The following WDR25 variants were observed in gnomAD, a reference collection of about 807,000 sequenced individuals.
WDR25 encodes WD repeat-containing protein 25.
WDR25 carries 35 observed loss-of-function variants against 47.7 expected under a neutral mutation model. That is an observed-to-expected ratio of 0.73 (90% CI 0.56 to 0.97). The LOEUF is 0.97. Among genes scored for constraint, WDR25 ranks in the 50% least tolerant of loss-of-function variants. The pLI is 0.00. For synonymous variants in WDR25, 248 were observed against 278.9 expected, an observed-to-expected ratio of 0.89 and a Z score of 1.10; for missense variants, 634 against 704.7, an observed-to-expected ratio of 0.90 and a Z score of 1.14.
At chr14:100,402,929 C>T (rs746542219) in intron 2 of WDR25, among the ~76,000 whole-genome samples, 5 of 152,156 alleles carry the variant, frequency 3.3e-5, no homozygotes, top group Non-Finnish European at 5.9e-5. Flanking sequence ...GCTAGGAGGA[C>T]ACCCTTAGGT....
intron 2 of WDR25, among the ~76,000 whole-genome samples, chr14:100,429,947 A>G (rs1898278678): frequency 6.6e-6 from 1 of 152,120 alleles, no homozygotes. Flanking sequence ...TAGAAGTCCC[A>G]TCTCCAAGTG....
At chr14:100,481,544 C>G (rs1176945650) in intron 3 of WDR25, among the ~76,000 whole-genome samples, 1 of 150,268 alleles carries the variant, frequency 6.7e-6, no homozygotes. Flanking sequence ...TTGACTGTCT[C>G]GGGTGTCAGC....
At chr14:100,510,769 A>ATT (rs891848662) in intron 4 of WDR25, among the ~76,000 whole-genome samples, 5 of 142,970 alleles carry the variant, frequency 3.5e-5, no homozygotes, top group Admixed American at 7.0e-5. Context: ...AATAATGTAA[A>ATT]TTTTTTTTTT....
At chr14:100,426,099 A>G (rs1323667406) in intron 2 of WDR25, among the ~76,000 whole-genome samples, 2 of 152,220 alleles carry the variant, frequency 1.3e-5, no homozygotes, top group Non-Finnish European at 1.5e-5. Flanking sequence ...TCTACAAGCC[A>G]AAGCTTGGAA....
At chr14:100,409,356 G>T (rs1306823409) in intron 2 of WDR25, among the ~76,000 whole-genome samples, 1 of 152,182 alleles carries the variant, frequency 6.6e-6, no homozygotes, top group Non-Finnish European at 1.5e-5. Flanking sequence ...ATATGAATCA[G>T]TTAGGAATAT....
intron 2 of WDR25, among the ~76,000 whole-genome samples, chr14:100,433,227 AAC>A (rs1419124419): frequency 6.6e-6 from 1 of 152,232 alleles, no homozygotes; most frequent in African/African-American, 2.4e-5. Flanking sequence ...GTTAGTTTGA[AAC>A]AGTTCCTCAG....
In WDR25 at chr14:100,381,763, A is replaced by G; in HGVS notation, c.822+17A>G. On this transcript the variant is annotated intron_variant, in intron 2 of 6. Coordinates refer to ENST00000402312, the MANE Select transcript of WDR25 (RefSeq NM_001161476.3). ...ACTTTCAAGGTAAGACTTGAATGAA[A>G]ACTTCTGCTTTCAGATGCTCTTAGG... The G allele has an allele frequency of 6.4e-7, 1 of 1,567,396 alleles. No individual in the cohort carries two copies. Among genetic ancestry groups the G allele is most frequent in the Non-Finnish European group, 8.7e-7 (1 of 1,153,382 alleles).
chr14:100,436,802 C>T (rs939609900), intron 2 of WDR25, among the ~76,000 whole-genome samples: 5 of 152,200 alleles, frequency 3.3e-5, no homozygotes, highest in African/African-American at 9.7e-5. Flanking sequence ...AGCGTCTCTT[C>T]GCTCTCGCCC....
intron 2 of WDR25, among the ~76,000 whole-genome samples, chr14:100,403,471 A>G (rs892188262): frequency 6.6e-6 from 1 of 152,116 alleles, no homozygotes; most frequent in Non-Finnish European, 1.5e-5. Flanking sequence ...GGCTCTTTCT[A>G]CCCTAGGTCT....
chr14:100,491,138 T>G (rs892722323), intron 4 of WDR25, among the ~76,000 whole-genome samples: 1 of 152,232 alleles, frequency 6.6e-6, no homozygotes, highest in Non-Finnish European at 1.5e-5. Context: ...GGCATCACGC[T>G]GTGCACGCTG....
intron 2 of WDR25, among the ~76,000 whole-genome samples, chr14:100,413,330 C>T (rs138586023): frequency 0.028 from 4,319 of 152,222 alleles, 84 homozygotes; most frequent in Non-Finnish European, 0.043. Context: ...CTGTTAGTTC[C>T]ACCCCCAACC....
At position 100,440,883 on chromosome 14, in the gene WDR25, TTC is replaced by T. The variant is rs1898649208; in HGVS notation, c.823-27137_823-27136del. Among the ~76,000 whole-genome samples, 1 of 152,238 alleles carries T rather than the reference TTC, an allele frequency of 6.6e-6. No homozygotes were observed. Among genetic ancestry groups the T allele is most frequent in the South Asian group, 2.1e-4 (1 of 4,834 alleles). On this transcript the variant is annotated intron_variant, in intron 2 of 6. Transcript: ENST00000402312. This position sits in a 1 kb window ranked among gnomAD's most constrained non-coding sequence, Gnocchi z 4.4. ...CCAGAGATTGTCTGCACTGGGATTG[TTC>T]CCCCAGGATAGTCCTGATGACAAAT...
intron 4 of WDR25, among the ~76,000 whole-genome samples, chr14:100,508,287 GCTGT>G (rs1216813799): frequency 6.6e-6 from 1 of 152,114 alleles, no homozygotes; most frequent in Non-Finnish European, 1.5e-5. Context: ...AATAAAAAGA[GCTGT>G]CTATGACAAA....
At chr14:100,473,386 C>A (rs1385560961) in intron 3 of WDR25, among the ~76,000 whole-genome samples, 1 of 152,168 alleles carries the variant, frequency 6.6e-6, no homozygotes, top group Non-Finnish European at 1.5e-5. Context: ...AGAGCTCCTG[C>A]TGTTGAGGTA....
At chr14:100,412,492 T>C (rs941234475) in intron 2 of WDR25, among the ~76,000 whole-genome samples, 1 of 152,208 alleles carries the variant, frequency 6.6e-6, no homozygotes. Flanking sequence ...AGTGGAAATA[T>C]ACAGTCTTTC....
chr14:100,387,373 T>C (rs1897043653), intron 2 of WDR25, among the ~76,000 whole-genome samples: 1 of 152,210 alleles, frequency 6.6e-6, no homozygotes, highest in Admixed American at 6.5e-5. Flanking sequence ...TTGAGATAAA[T>C]ACTTTTAGAA....
chr14:100,505,153 T>C (rs1293733451), intron 4 of WDR25, among the ~76,000 whole-genome samples: 1 of 152,234 alleles, frequency 6.6e-6, no homozygotes, highest in Non-Finnish European at 1.5e-5. Flanking sequence ...AATCTTTACC[T>C]ATCCTAATGT....
rs1165152468 is a variant in WDR25, at chr14:100,508,524, T to G, written c.1102-17346T>G. On this transcript the variant is annotated intron_variant, in intron 4 of 6. Coordinates refer to ENST00000402312, the MANE Select transcript of WDR25 (RefSeq NM_001161476.3). Reference sequence around the variant, plus strand: ...TTCTTGTAGCTTTTTCCTAGATTACTTAGAAATTTTAATTTACATGATCAT... The same window carrying G: ...TTCTTGTAGCTTTTTCCTAGATTACGTAGAAATTTTAATTTACATGATCAT... Among the ~76,000 whole-genome samples the G allele has an allele frequency of 2.0e-5, 3 of 152,228 alleles. No individual in the cohort carries two copies. The East Asian group carries it at 5.8e-4, about 29-fold the overall frequency.
chr14:100,472,026 TCTC>T (rs1441763347), intron 3 of WDR25, among the ~76,000 whole-genome samples: 1 of 152,182 alleles, frequency 6.6e-6, no homozygotes, highest in Non-Finnish European at 1.5e-5. Flanking sequence ...GCTCAGCCAG[TCTC>T]CTCAGAATCC....
Sources: gnomAD v4.1 joint callset for allele counts (sites outside exome capture counted in the v4.1 genomes callset) on GRCh38, gnomAD v4.1.1 for gene constraint, Gnocchi (gnomAD v3.1) non-coding constraint, MANE v1.5 for transcripts, NCBI Gene and HGNC (gene_info 2026-07-23, HGNC 2026-07-21) for gene names.